Variants in SRGAP1 observed in about 807,000 individuals in gnomAD.
SRGAP1 encodes the protein SLIT-ROBO Rho GTPase activating protein 1, also known as SLIT-ROBO Rho GTPase-activating protein 1.
SRGAP1 carries 43 observed loss-of-function variants against 121.9 expected under a neutral mutation model. The ratio of observed to expected loss-of-function variants is 0.35; its 90% CI spans 0.28 to 0.46. The LOEUF (loss-of-function observed/expected upper bound fraction) is 0.46. Among genes scored for constraint, SRGAP1 ranks in the 20% least tolerant of loss-of-function variants. SRGAP1 has a pLI of 1.00. For synonymous variants in SRGAP1, 447 were observed against 485.4 expected (o/e 0.92, Z 1.04); for missense variants, 1,102 against 1,350.9 (o/e 0.82, Z 2.89).
intron 1 of SRGAP1, among the ~76,000 whole-genome samples, chr12:63,913,480 T>G (rs201634497): frequency 9.2e-6 from 1 of 108,626 alleles, no homozygotes; most frequent in Admixed American, 9.6e-5. Context: ...TATATATGGA[T>G]ATATATATAT....
chr12:63,983,752 AGAGC>A (rs1391805399), intron 1 of SRGAP1, 191 bp from the exon 2 acceptor site: 1 of 149,818 alleles, frequency 6.7e-6, no homozygotes, highest in Non-Finnish European at 1.4e-5. Context: ...CCTGGGCAAC[AGAGC>A]GAGACCTCTA....
intron 3 of SRGAP1, among the ~76,000 whole-genome samples, chr12:63,991,377 A>G (rs2033552698): frequency 6.6e-6 from 1 of 152,216 alleles, no homozygotes; most frequent in Non-Finnish European, 1.5e-5. Flanking sequence ...TGATGTATCC[A>G]CATTAGATTT....
chr12:64,012,426 C>G (rs1012802178), intron 3 of SRGAP1, among the ~76,000 whole-genome samples: 1 of 151,838 alleles, frequency 6.6e-6, no homozygotes, highest in African/African-American at 2.4e-5. Context: ...ACAAAAATTT[C>G]TTCCCTAACA....
chr12:63,972,654 T>C (rs1352826130), intron 1 of SRGAP1, among the ~76,000 whole-genome samples: 1 of 152,314 alleles, frequency 6.6e-6, no homozygotes, highest in East Asian at 1.9e-4. Flanking sequence ...AAGGATCTTA[T>C]AATACATTAT....
intron 17 of SRGAP1, among the ~76,000 whole-genome samples, chr12:64,114,840 GTCTA>G (rs1190613684): frequency 6.6e-6 from 1 of 152,202 alleles, no homozygotes; most frequent in Non-Finnish European, 1.5e-5. Flanking sequence ...GCTCGATGGT[GTCTA>G]TCTTTTTCTA....
At chr12:63,947,175 ATG>A (rs968203670) in intron 1 of SRGAP1, among the ~76,000 whole-genome samples, 15 of 152,204 alleles carry the variant, frequency 9.9e-5, no homozygotes, top group African/African-American at 3.6e-4. Flanking sequence ...GCCAGATCAC[ATG>A]GTAGGTCTAT....
intron 1 of SRGAP1, chr12:63,888,013 G>C (rs1488249283): frequency 6.6e-6 from 1 of 152,230 alleles, no homozygotes; most frequent in Non-Finnish European, 1.5e-5. Flanking sequence ...AGCTTGTTAA[G>C]ATGATCTGTC....
Position 64,078,893 on chromosome 12 carries a change from C to A in SRGAP1, c.1126-26C>A, listed in dbSNP as rs373505032. The A allele has an allele frequency of 1.8e-5, 29 of 1,602,898 alleles. No homozygotes were observed. In the African/African-American group the frequency reaches 3.7e-4, roughly 21 times the overall value. On this transcript the variant is annotated intron_variant, in intron 8 of 21. Coordinates refer to ENST00000355086, the MANE Select transcript of SRGAP1 (RefSeq NM_020762.4). ...TGGGATTCATGAAATAATGTACTAACGTGAGAAATGTATTTCTATTCCCAG... is the reference window on the plus strand; with the variant it reads ...TGGGATTCATGAAATAATGTACTAAAGTGAGAAATGTATTTCTATTCCCAG...
rs1385136684 is a variant in SRGAP1, at chr12:64,032,996, AAAAAT to A, written c.490-9792_490-9788del. Among the ~76,000 whole-genome samples, 33 of 152,304 alleles carry A rather than the reference AAAAAT, an allele frequency of 2.2e-4. 1 individual carries two copies. The highest frequency in any genetic ancestry group is 7.5e-4 in the African/African-American group (31 of 41,558). ...CAATTTTTTTGTGTCAATTACAAAT[AAAAAT>A]ATTTTTTAAATCCCCAAAAAAGAAA... is the stretch of plus-strand genomic sequence containing the variant. On this transcript the variant is annotated intron_variant, in intron 4 of 21. Coordinates refer to ENST00000355086, the MANE Select transcript of SRGAP1 (RefSeq NM_020762.4).
chr12:64,122,955 A>G (rs931637323), intron 18 of SRGAP1, among the ~76,000 whole-genome samples: 1 of 152,214 alleles, frequency 6.6e-6, no homozygotes, highest in Non-Finnish European at 1.5e-5. Flanking sequence ...TTGTGCAATT[A>G]TAATAAAATA....
chr12:63,854,283 T>C (rs1209064226), intron 1 of SRGAP1, among the ~76,000 whole-genome samples: 5 of 152,218 alleles, frequency 3.3e-5, no homozygotes, highest in Admixed American at 6.5e-5. Context: ...TTAGGATGCA[T>C]TCATATATCA....
chr12:64,044,270 T>C (rs1384012015), intron 6 of SRGAP1, among the ~76,000 whole-genome samples: 1 of 152,148 alleles, frequency 6.6e-6, no homozygotes, highest in East Asian at 1.9e-4. Flanking sequence ...ATGTACTGAG[T>C]AGCCCAGTAA....
intron 15 of SRGAP1, among the ~76,000 whole-genome samples, chr12:64,098,051 C>T (rs762733033): frequency 2.6e-5 from 4 of 152,092 alleles, no homozygotes; most frequent in African/African-American, 7.2e-5. Context: ...TACAGTGTCC[C>T]TTTTAAGTCC....
intron 1 of SRGAP1, among the ~76,000 whole-genome samples, chr12:63,849,032 GA>G (rs1264435521): frequency 1.3e-5 from 2 of 152,178 alleles, no homozygotes; most frequent in African/African-American, 4.8e-5. Flanking sequence ...TTAAATGGGG[GA>G]CAAAAGGGGA....
At chr12:64,047,942 T>C (rs551475505) in intron 6 of SRGAP1, among the ~76,000 whole-genome samples, 7 of 152,300 alleles carry the variant, frequency 4.6e-5, no homozygotes, top group African/African-American at 1.4e-4. Context: ...GTAAATGCGG[T>C]ATTCATCACC....
At chr12:64,105,664 A>T (rs2036333570) in intron 15 of SRGAP1, among the ~76,000 whole-genome samples, 1 of 152,024 alleles carries the variant, frequency 6.6e-6, no homozygotes, top group South Asian at 2.1e-4. Context: ...GGTGCTCCTA[A>T]TCCCAGCTAC....
chr12:64,072,520 A>G (rs1271193429), intron 8 of SRGAP1, among the ~76,000 whole-genome samples: 3 of 152,110 alleles, frequency 2.0e-5, no homozygotes, highest in Non-Finnish European at 2.9e-5. Flanking sequence ...GTGTCCTTAT[A>G]ATAAAAAGGG....
intron 8 of SRGAP1, among the ~76,000 whole-genome samples, chr12:64,074,931 T>C (rs2035706936): frequency 6.6e-6 from 1 of 152,206 alleles, no homozygotes; most frequent in African/African-American, 2.4e-5. Context: ...ACTATATTTT[T>C]CTCATTTTCA....
At chr12:64,112,019 C>T in intron 17 of SRGAP1, 33 bp downstream of exon 17, 1 of 1,543,714 alleles carries the variant, frequency 6.5e-7, no homozygotes, top group South Asian at 1.1e-5. Context: ...TCCTCTCCCA[C>T]CGAAAATTAT....
Sources: allele counts gnomAD v4.1 joint callset (sites outside exome capture counted in the v4.1 genomes callset), GRCh38; gene constraint gnomAD v4.1.1; transcripts MANE v1.5; gene names NCBI Gene and HGNC (gene_info 2026-07-23, HGNC 2026-07-21).